SGCZ: variants seen among roughly 807,000 people sequenced by gnomAD.
The protein encoded by SGCZ is zeta-sarcoglycan.
A neutral mutation model predicts 41.3 loss-of-function variants in SGCZ; 40 were observed. That is an observed-to-expected ratio of 0.97 (90% CI 0.75 to 1.26). The LOEUF is 1.26. Among genes scored for constraint, SGCZ ranks in the 50% most tolerant of loss-of-function variants. SGCZ has a pLI of 0.00. For synonymous variants in SGCZ, 206 were observed against 137.5 expected (o/e 1.50, Z -3.49); for missense variants, 552 against 369.8 (o/e 1.49, Z -4.04).
intron 1 of SGCZ, among the ~76,000 whole-genome samples, chr8:14,864,370 T>C (rs1324762841): frequency 1.3e-5 from 2 of 152,172 alleles, no homozygotes; most frequent in Non-Finnish European, 2.9e-5. Context: ...ACATATTAAT[T>C]TTCTTTTCCA....
At chr8:15,061,252 C>A (rs1216145226) in intron 1 of SGCZ, among the ~76,000 whole-genome samples, 1 of 140,432 alleles carries the variant, frequency 7.1e-6, no homozygotes, top group Middle Eastern at 3.3e-3. Flanking sequence ...AGAGCCCCTA[C>A]AAATAGGGCT....
intron 4 of SGCZ, among the ~76,000 whole-genome samples, chr8:14,172,812 G>C (rs1804427480): frequency 6.6e-6 from 1 of 152,118 alleles, no homozygotes. Flanking sequence ...AGGGAGCTGA[G>C]CTTACAAGGC....
At chr8:14,215,876 T>G (rs1436894147) in intron 4 of SGCZ, among the ~76,000 whole-genome samples, 1 of 152,152 alleles carries the variant, frequency 6.6e-6, no homozygotes, top group Non-Finnish European at 1.5e-5. Context: ...TGGTGCCGGG[T>G]GCAACCCGCA....
intron 2 of SGCZ, among the ~76,000 whole-genome samples, chr8:14,423,151 G>C (rs573431903): frequency 1.6e-4 from 24 of 151,916 alleles, no homozygotes; most frequent in African/African-American, 5.8e-4. Flanking sequence ...AGTAAACTCT[G>C]GGGACTGTTG....
chr8:14,786,149 T>C (rs1249055734), intron 1 of SGCZ, among the ~76,000 whole-genome samples: 1 of 149,966 alleles, frequency 6.7e-6, no homozygotes, highest in East Asian at 1.9e-4. Context: ...TATCTAAGCC[T>C]GTCACTACAG....
At chr8:14,501,249 AT>A (rs1802144894) in intron 2 of SGCZ, among the ~76,000 whole-genome samples, 1 of 151,702 alleles carries the variant, frequency 6.6e-6, no homozygotes, top group Non-Finnish European at 1.5e-5. Flanking sequence ...TTATAATTGC[AT>A]TGAGTCTACC....
intron 1 of SGCZ, among the ~76,000 whole-genome samples, chr8:15,021,926 A>T (rs982844305): frequency 1.3e-5 from 2 of 152,222 alleles, no homozygotes; most frequent in Non-Finnish European, 2.9e-5. Flanking sequence ...CGTTCACACT[A>T]TAACTTTTCT....
chr8:14,432,396 G>C (rs1381876345), intron 2 of SGCZ, among the ~76,000 whole-genome samples: 1 of 152,168 alleles, frequency 6.6e-6, no homozygotes, highest in African/African-American at 2.4e-5. Flanking sequence ...GATGAGACTG[G>C]AGACTATAAC....
chr8:14,490,028 C>G (rs1801798174), intron 2 of SGCZ, among the ~76,000 whole-genome samples: 1 of 151,934 alleles, frequency 6.6e-6, no homozygotes, highest in Non-Finnish European at 1.5e-5. Context: ...CCACCACGCC[C>G]AGCTAATGTT....
intron 1 of SGCZ, among the ~76,000 whole-genome samples, chr8:15,031,838 G>C (rs1157632703): frequency 6.6e-6 from 1 of 151,606 alleles, no homozygotes; most frequent in Non-Finnish European, 1.5e-5. Flanking sequence ...CTACGTTGCA[G>C]TCGGCCAGCG....
chr8:14,592,449 G>A (rs1300613270), intron 1 of SGCZ, among the ~76,000 whole-genome samples: 1 of 151,828 alleles, frequency 6.6e-6, no homozygotes, highest in Non-Finnish European at 1.5e-5. Flanking sequence ...ATTTTCAATT[G>A]GCATTCTAAT....
In SGCZ at chr8:14,085,135, TA is replaced by T. The variant is rs1335244584; in HGVS notation, c.*5307del. ...CAGTTTATAGGGCAGACAGTCCATT[TA>T]AATAGAAAAAGTGATTTTACATAAA... On this transcript the variant is annotated 3_prime_UTR_variant, in exon 8 of 8. Transcript: ENST00000382080. 6.6e-6 allele frequency among the ~76,000 whole-genome samples: 1 copy of T among 151,818 alleles called. No homozygotes were observed. Among genetic ancestry groups the T allele is most frequent in the Non-Finnish European group, 1.5e-5 (1 of 67,826 alleles).
chr8:15,166,450 G>A lies in SGCZ; in HGVS notation c.39+71135C>T, dbSNP rs1003327802. Among the ~76,000 whole-genome samples, 29 of 151,962 alleles carry A rather than the reference G, an allele frequency of 1.9e-4. 1 individual carries two copies. Among genetic ancestry groups the A allele is most frequent in the African/African-American group, 2.2e-4 (9 of 41,484 alleles). On this transcript the variant is annotated intron_variant, in intron 1 of 7. Transcript: ENST00000382080. ...TTTTTAGTAGAGATGGGGTTTCACC[G>A]TGTTAGCCAGGATGGTCTCCATCTC... is the stretch of plus-strand genomic sequence containing the variant.
chr8:14,261,106 A>AG (rs931151347), intron 3 of SGCZ, among the ~76,000 whole-genome samples: 2 of 151,934 alleles, frequency 1.3e-5, no homozygotes, highest in African/African-American at 2.4e-5. Flanking sequence ...ATAAAATAAA[A>AG]AAAAAGAAAA....
At chr8:14,680,041 T>C (rs28812503) in intron 1 of SGCZ, among the ~76,000 whole-genome samples, 30,154 of 151,964 alleles carry the variant, frequency 0.2, 3,609 homozygotes, top group East Asian at 0.44. Flanking sequence ...GGTTTAAGTA[T>C]TTTCCATAAT....
chr8:15,167,273 G>C (rs1799692925), intron 1 of SGCZ, among the ~76,000 whole-genome samples: 1 of 152,214 alleles, frequency 6.6e-6, no homozygotes, highest in African/African-American at 2.4e-5. Context: ...TGACTGGATA[G>C]GTATGCTTCC....
chr8:14,426,128 A>C (rs1799775690), intron 2 of SGCZ, among the ~76,000 whole-genome samples: 2 of 152,270 alleles, frequency 1.3e-5, no homozygotes, highest in South Asian at 4.1e-4. Flanking sequence ...TCCAGGTACC[A>C]TTCTGGAGGT....
intron 2 of SGCZ, among the ~76,000 whole-genome samples, chr8:14,376,825 A>C (rs1180872096): frequency 6.6e-6 from 1 of 152,220 alleles, no homozygotes; most frequent in Non-Finnish European, 1.5e-5. Flanking sequence ...AAAAATGATA[A>C]TACATAAACA....
intron 1 of SGCZ, among the ~76,000 whole-genome samples, chr8:15,131,977 A>C (rs62499788): frequency 0.066 from 10,027 of 152,294 alleles, 342 homozygotes; most frequent in Middle Eastern, 0.13. Context: ...CTTATTTGTA[A>C]CAGAGCTAAG....
Sources: gnomAD v4.1 joint callset for allele counts (sites outside exome capture counted in the v4.1 genomes callset) on GRCh38, gnomAD v4.1.1 for gene constraint, MANE v1.5 for transcripts, NCBI Gene and HGNC (gene_info 2026-07-23, HGNC 2026-07-21) for gene names.